Variants in NCOA2 observed in about 807,000 individuals in gnomAD.
The protein encoded by NCOA2 is nuclear receptor coactivator 2.
In NCOA2, 21 loss-of-function variants were observed where a neutral mutation model predicts 145.1. The ratio of observed to expected loss-of-function variants is 0.14; its 90% CI spans 0.10 to 0.21. The LOEUF (loss-of-function observed/expected upper bound fraction) is 0.21. NCOA2 is among the 10% of genes least tolerant of loss of function. The probability of loss-of-function intolerance (pLI) is 1.00; values close to 1 mark genes in which losing one functional copy is unlikely to be tolerated. For missense variants in NCOA2, 1,472 were observed against 1,837.6 expected, an observed-to-expected ratio of 0.80 and a Z score of 3.64; for synonymous variants, 619 against 637.5, an observed-to-expected ratio of 0.97 and a Z score of 0.44.
At chr8:70,344,212 G>A (rs769974292) in intron 1 of NCOA2, among the ~76,000 whole-genome samples, 1 of 152,236 alleles carries the variant, frequency 6.6e-6, no homozygotes, top group Non-Finnish European at 1.5e-5. Flanking sequence ...CTACCTTGCT[G>A]CAGTGAGGCA....
At chr8:70,333,534 G>A (rs75272256) in intron 1 of NCOA2, among the ~76,000 whole-genome samples, 100 of 152,282 alleles carry the variant, frequency 6.6e-4, no homozygotes, top group Non-Finnish European at 1.2e-3. Context: ...ACTCTGTTGG[G>A]CGACATGAAT....
At position 70,162,809 on chromosome 8, in the gene NCOA2, T is replaced by G. The variant is rs1376475754; in HGVS notation, c.878A>C (p.Lys293Thr). The G allele has an allele frequency of 6.2e-7, 1 of 1,613,862 alleles. No individual in the cohort carries two copies. The highest frequency in any genetic ancestry group is 1.3e-5 in the African/African-American group (1 of 74,944). ...TCTTACCAGGTCCTCCCAGCCTGGT[T>G]TCATGGCTGCTCTCATGGTGCTGGT... is the stretch of plus-strand genomic sequence containing the variant. ...LDTSTMRAAM[K>T]PGWEDLVRRC... is the part of the protein sequence containing the mutation. The change falls in exon 9 of 23, where the codon AAA (lysine) becomes ACA (threonine). Residue 293 changes from lysine (K) to threonine (T), a missense_variant. Lys to Thr is a moderately conservative substitution (Grantham distance 78). This residue lies in a region of NCOA2 where 284 missense variants were observed against 467.8 expected (regional missense o/e 0.61). Transcript: ENST00000452400.
intron 4 of NCOA2, among the ~76,000 whole-genome samples, chr8:70,182,213 T>C (rs1815562821): frequency 6.6e-6 from 1 of 152,226 alleles, no homozygotes; most frequent in African/African-American, 2.4e-5. Context: ...GCACTTTCTT[T>C]AGTAGTGGGA....
intron 1 of NCOA2, among the ~76,000 whole-genome samples, chr8:70,341,629 T>A (rs995995275): frequency 6.6e-6 from 1 of 152,240 alleles, no homozygotes; most frequent in Non-Finnish European, 1.5e-5. Flanking sequence ...CAGCAATGAA[T>A]TTTGTTTTAA....
chr8:70,138,245 C>T lies in NCOA2; in HGVS notation c.3116G>A (p.Ser1039Asn), dbSNP rs1169072189. The change falls in exon 15 of 23, where the codon AGC becomes AAC. Residue 1039 changes from serine (S) to asparagine (N), a missense_variant. By Grantham distance (46) the Ser-to-Asn change is conservative. This residue lies in a region of NCOA2 where 953 missense variants were observed against 1,062.1 expected (regional missense o/e 0.90). Coordinates refer to ENST00000452400, the MANE Select transcript of NCOA2 (RefSeq NM_006540.4). ...PPNQTAPWPESILPIDQASFA... is the reference protein window; with the variant it reads ...PPNQTAPWPENILPIDQASFA... Reference sequence around the variant, plus strand: ...AGACGCCTGGTCTATAGGCAGGATGCTTTCAGGCCATGGGGCAGTCTGATT... The same window carrying T: ...AGACGCCTGGTCTATAGGCAGGATGTTTTCAGGCCATGGGGCAGTCTGATT... 1.9e-6 allele frequency: 3 copies of T among 1,613,612 alleles called. No homozygotes were observed. The highest frequency in any genetic ancestry group is 1.3e-5 in the African/African-American group (1 of 74,914).
intron 4 of NCOA2, among the ~76,000 whole-genome samples, chr8:70,211,034 C>CTTT (rs1461479824): frequency 2.0e-5 from 3 of 152,190 alleles, no homozygotes; most frequent in Non-Finnish European, 4.4e-5. Flanking sequence ...GAGAGAAAGG[C>CTTT]TTTGGCCTGA....
At chr8:70,444,763 T>C in the NCOA2 span, among the ~76,000 whole-genome samples, 3 of 152,338 alleles carry the variant, frequency 2.0e-5, no homozygotes, top group South Asian at 2.1e-4. Flanking sequence ...AGACAAAATA[T>C]AGAATGCAGA....
chr8:70,380,301 A>C (rs1435183025), intron 1 of NCOA2, among the ~76,000 whole-genome samples: 1 of 152,172 alleles, frequency 6.6e-6, no homozygotes, highest in Non-Finnish European at 1.5e-5. Context: ...AGATCCTACT[A>C]GGTTTCAGAA....
intron 15 of NCOA2, among the ~76,000 whole-genome samples, chr8:70,136,639 G>A (rs1809770355): frequency 6.6e-6 from 1 of 151,652 alleles, no homozygotes; most frequent in Non-Finnish European, 1.5e-5. Context: ...CAGATTTAAG[G>A]GCTAAACTAC....
At chr8:70,362,465 T>C (rs985526643) in intron 1 of NCOA2, among the ~76,000 whole-genome samples, 6 of 152,024 alleles carry the variant, frequency 3.9e-5, no homozygotes, top group African/African-American at 1.4e-4. Flanking sequence ...CAAAACTCAA[T>C]TAAAAAAAGG....
chr8:70,239,027 A>C (rs1052962070), intron 2 of NCOA2, among the ~76,000 whole-genome samples: 1 of 151,756 alleles, frequency 6.6e-6, no homozygotes. Context: ...GCTCACATTA[A>C]CCTCTGTATA....
intron 6 of NCOA2, 58 bp downstream of exon 6, chr8:70,170,144 T>G (rs780281183): frequency 3.3e-6 from 5 of 1,497,130 alleles, no homozygotes; most frequent in Non-Finnish European, 4.6e-6. Flanking sequence ...ACTGTGTGTA[T>G]GAGGCAGGGC....
upstream of NCOA2, among the ~76,000 whole-genome samples, chr8:70,407,754 C>CCACTG (rs1814805406): frequency 6.6e-6 from 1 of 152,096 alleles, no homozygotes; most frequent in Non-Finnish European, 1.5e-5. Flanking sequence ...CAAGATCGCA[C>CCACTG]CACTGCACTA....
chr8:70,193,577 A>AT (rs1227029154), intron 4 of NCOA2, among the ~76,000 whole-genome samples: 1 of 152,200 alleles, frequency 6.6e-6, no homozygotes, highest in Non-Finnish European at 1.5e-5. Flanking sequence ...CTCATCTGAC[A>AT]TAAAGGATCT....
chr8:70,381,605 A>G (rs1291393560), intron 1 of NCOA2, among the ~76,000 whole-genome samples: 1 of 152,254 alleles, frequency 6.6e-6, no homozygotes, highest in Non-Finnish European at 1.5e-5. Flanking sequence ...GTGACACCAT[A>G]TAATTACCAA....
the NCOA2 span, among the ~76,000 whole-genome samples, chr8:70,433,929 G>A: frequency 1.3e-5 from 2 of 152,158 alleles, no homozygotes; most frequent in Non-Finnish European, 2.9e-5. Flanking sequence ...CCACTAGGCA[G>A]TCTGGTCCTC....
intron 21 of NCOA2, 40 bp downstream of exon 21, chr8:70,123,844 T>G: frequency 1.3e-6 from 2 of 1,515,256 alleles, no homozygotes; most frequent in Non-Finnish European, 1.8e-6. Context: ...AAAAAAGCCG[T>G]GATATGAAGC....
intron 1 of NCOA2, among the ~76,000 whole-genome samples, chr8:70,375,059 TATCA>T (rs1380336357): frequency 7.2e-5 from 11 of 152,094 alleles, no homozygotes. Flanking sequence ...AAAAAAAAGA[TATCA>T]ATAAACTGCA....
chr8:70,406,067 A>G (rs1245247978), upstream of NCOA2, among the ~76,000 whole-genome samples: 5 of 152,126 alleles, frequency 3.3e-5, no homozygotes, highest in Non-Finnish European at 7.4e-5. Context: ...AGTTGTTTAT[A>G]TGTTTGTCTT....
Sources: gnomAD v4.1 joint callset for allele counts (sites outside exome capture counted in the v4.1 genomes callset) on GRCh38, gnomAD v4.1.1 for gene constraint, gnomAD v4.1.1 regional missense constraint, MANE v1.5 for transcripts, NCBI Gene and HGNC (gene_info 2026-07-23, HGNC 2026-07-21) for gene names.